Variants in KLF8 observed in about 807,000 individuals in gnomAD.
KLF8 encodes the protein Krueppel-like factor 8.
KLF8 carries 10 observed loss-of-function variants against 18.2 expected under a neutral mutation model. The ratio of observed to expected loss-of-function variants is 0.55; its 90% CI spans 0.34 to 0.93. The LOEUF (loss-of-function observed/expected upper bound fraction) is 0.93. KLF8 is among the 40% of genes least tolerant of loss of function. KLF8 has a pLI of 0.02. For synonymous variants in KLF8, 109 were observed against 97.3 expected, an observed-to-expected ratio of 1.12 and a Z score of -0.71; for missense variants, 264 against 277.9, an observed-to-expected ratio of 0.95 and a Z score of 0.36.
the KLF8 span, among the ~76,000 whole-genome samples, chrX:56,058,055 G>A: frequency 7.8e-5 from 8 of 102,109 alleles, no homozygotes; most frequent in South Asian, 4.6e-4. Context: ...CGCTTCCTCC[G>A]TCTTGCTAGC....
chrX:56,003,002 C>A, the KLF8 span, among the ~76,000 whole-genome samples: 12 of 111,924 alleles, frequency 1.1e-4, no homozygotes, highest in Admixed American at 2.8e-4. Context: ...AATTGAAAAA[C>A]CATTATTCAC....
At chrX:55,950,210 T>C in the KLF8 span, among the ~76,000 whole-genome samples, 1 of 110,067 alleles carries the variant, frequency 9.1e-6, no homozygotes, top group African/African-American at 3.3e-5. Flanking sequence ...CAGCTGAGAG[T>C]TTGAACAGAT....
chrX:56,185,835 G>A, the KLF8 span, among the ~76,000 whole-genome samples: 4 of 111,396 alleles, frequency 3.6e-5, no homozygotes, highest in African/African-American at 6.5e-5. Flanking sequence ...GAGAGATTTT[G>A]TCACCACCAG....
the KLF8 span, among the ~76,000 whole-genome samples, chrX:56,171,296 A>G: frequency 2.7e-5 from 3 of 112,017 alleles, no homozygotes; most frequent in African/African-American, 9.7e-5. Context: ...TAGAGTTCTT[A>G]TTAGTTTTAT....
the KLF8 span, among the ~76,000 whole-genome samples, chrX:55,912,777 T>C: frequency 2.7e-5 from 3 of 111,966 alleles, no homozygotes; most frequent in South Asian, 1.1e-3. Context: ...TGCTAACATA[T>C]ATTGAAGACC....
At chrX:56,082,085 C>T in the KLF8 span, among the ~76,000 whole-genome samples, 18 of 111,517 alleles carry the variant, frequency 1.6e-4, no homozygotes, top group African/African-American at 5.5e-4. Context: ...TGGTCCTAGA[C>T]TGTTCTCTGT....
chrX:55,977,753 G>T, the KLF8 span, among the ~76,000 whole-genome samples: 2 of 111,551 alleles, frequency 1.8e-5, no homozygotes, highest in African/African-American at 6.5e-5. Context: ...GATATTATTT[G>T]ATTTATGTTT....
chrX:56,000,374 C>G, the KLF8 span, among the ~76,000 whole-genome samples: 1 of 104,002 alleles, frequency 9.6e-6, no homozygotes, highest in Non-Finnish European at 1.9e-5. Context: ...AGAGAGGATT[C>G]TCTCCTTGAC....
At position 56,289,401 on chromosome X, in the gene KLF8, A is replaced by G. The variant is rs1019460605; in HGVS notation, c.*4907A>G. 4.5e-5 allele frequency among the ~76,000 whole-genome samples: 5 copies of G among 111,852 alleles called. 1 individual carries two copies. Among genetic ancestry groups the G allele is most frequent in the South Asian group, 7.5e-4 (2 of 2,684 alleles). ...TACTGGAAAATTGTATTAGAAACCA[A>G]TATCTGGGCATTAGGTATGTTCATT... On this transcript the variant is annotated 3_prime_UTR_variant, in exon 6 of 6. Coordinates refer to ENST00000468660, the MANE Select transcript of KLF8 (RefSeq NM_007250.5).
chrX:56,016,570 C>T, the KLF8 span, among the ~76,000 whole-genome samples: 9 of 111,642 alleles, frequency 8.1e-5, no homozygotes, highest in East Asian at 2.3e-3. Context: ...AAGTACTTCA[C>T]GTTAAATAAG....
the KLF8 span, among the ~76,000 whole-genome samples, chrX:56,180,596 T>A: frequency 9.0e-6 from 1 of 111,421 alleles, no homozygotes; most frequent in Non-Finnish European, 1.9e-5. Context: ...CTTGTGAGCT[T>A]TTAGTGCTAT....
In KLF8 at chrX:56,265,212, T is replaced by C. The variant is rs753310319; in HGVS notation, c.114T>C (p.Pro38=). 26 of 1,204,532 alleles carry C rather than the reference T, an allele frequency of 2.2e-5. No individual in the cohort carries two copies. The highest frequency in any genetic ancestry group is 1.1e-6 in the Non-Finnish European group (1 of 891,548). The change falls in exon 3 of 6, where the codon CCT becomes CCC. Residue 38 remains proline (P), a synonymous_variant. Coordinates refer to ENST00000468660, the MANE Select transcript of KLF8 (RefSeq NM_007250.5). ...VTASVRNRDP[P]EIEYRSNMTS... ...CTTCTGTTCGGAACAGAGATCCCCC[T>C]GAGATAGAATACAGAAGTAATATGA... is the stretch of plus-strand genomic sequence containing the variant.
chrX:56,196,542 G>A, the KLF8 span, among the ~76,000 whole-genome samples: 1 of 112,184 alleles, frequency 8.9e-6, no homozygotes, highest in South Asian at 3.7e-4. Context: ...AACAAGAAGA[G>A]CTAACTATCC....
chrX:56,246,456 A>G (rs1369475612), intron 1 of KLF8, among the ~76,000 whole-genome samples: 3 of 112,046 alleles, frequency 2.7e-5, no homozygotes, highest in African/African-American at 9.7e-5. Context: ...ACATATATCA[A>G]CTTGATACAT....
the KLF8 span, among the ~76,000 whole-genome samples, chrX:55,991,350 G>A: frequency 8.9e-6 from 1 of 112,139 alleles, no homozygotes; most frequent in South Asian, 3.7e-4. Flanking sequence ...TAAGACGATT[G>A]GAAGGGTGCA....
chrX:56,281,485 C>T (rs181461546), intron 5 of KLF8, among the ~76,000 whole-genome samples: 74 of 112,144 alleles, frequency 6.6e-4, no homozygotes, highest in Non-Finnish European at 1.1e-3. Flanking sequence ...TCTCAGCTCA[C>T]TGCAACCTCT....
At chrX:56,085,492 A>G in the KLF8 span, among the ~76,000 whole-genome samples, 2 of 108,546 alleles carry the variant, frequency 1.8e-5, no homozygotes, top group African/African-American at 7.3e-5. Context: ...TCCTTCATCC[A>G]CCTTTTGTTC....
At chrX:56,002,757 G>A in the KLF8 span, among the ~76,000 whole-genome samples, 1 of 111,844 alleles carries the variant, frequency 8.9e-6, no homozygotes, top group African/African-American at 3.3e-5. Flanking sequence ...AACCTCAATT[G>A]TTTCACTCCC....
rs182008395 is a variant in KLF8, at chrX:56,266,265, C to T, written c.646+521C>T. ...AGCTCCTGCCTCTACCAATACTTTC[C>T]CTTTTCTCTTCCCTACAAAAGAAGT... On this transcript the variant is annotated intron_variant, in intron 3 of 5. Coordinates refer to ENST00000468660, the MANE Select transcript of KLF8 (RefSeq NM_007250.5). The T allele has an allele frequency of 7.9e-4, 595 of 749,810 alleles. 3 individuals carry two copies. In the African/African-American group the frequency reaches 0.013, roughly 16 times the overall value. The allele number at this position is 749,810 out of a possible 1,213,427, so 61.8% of individuals were successfully genotyped here.
Sources: allele counts gnomAD v4.1 joint callset (sites outside exome capture counted in the v4.1 genomes callset), GRCh38; gene constraint gnomAD v4.1.1; transcripts MANE v1.5; gene names NCBI Gene and HGNC (gene_info 2026-07-23, HGNC 2026-07-21).